TXLNB: variants seen among roughly 807,000 people sequenced by gnomAD.
The protein encoded by TXLNB is beta-taxilin.
A neutral mutation model predicts 57.4 loss-of-function variants in TXLNB; 37 were observed. That is an observed-to-expected ratio of 0.64 (90% CI 0.50 to 0.85). TXLNB has a LOEUF of 0.85. TXLNB is among the 40% of genes least tolerant of loss of function. The probability of loss-of-function intolerance (pLI) is 0.00; values close to 1 mark genes in which losing one functional copy is unlikely to be tolerated. For missense variants in TXLNB, 848 were observed against 825.6 expected (o/e 1.03, Z -0.33); for synonymous variants, 302 against 309.6 (o/e 0.98, Z 0.26).
chr6:139,176,241 G>A, the TXLNB span, among the ~76,000 whole-genome samples: 2 of 152,166 alleles, frequency 1.3e-5, no homozygotes, highest in African/African-American at 4.8e-5. The surrounding 1 kb of genome is among the most constrained non-coding windows in gnomAD (Gnocchi z 4.5). Flanking sequence ...TATCACATGT[G>A]CCTCAGTTGC....
chr6:139,257,707 T>C (rs1048525530), intron 6 of TXLNB, among the ~76,000 whole-genome samples: 2 of 151,498 alleles, frequency 1.3e-5, no homozygotes, highest in Non-Finnish European at 3.0e-5. Flanking sequence ...TTTCCCACTT[T>C]TAGTTTATCC....
the TXLNB span, among the ~76,000 whole-genome samples, chr6:139,219,371 G>A: frequency 6.6e-6 from 1 of 152,188 alleles, no homozygotes; most frequent in Non-Finnish European, 1.5e-5. Context: ...ATCTCCAGCG[G>A]TTCAGTAGGT....
At chr6:139,182,941 G>A in the TXLNB span, 1 of 152,068 alleles carries the variant, frequency 6.6e-6, no homozygotes, top group African/African-American at 2.4e-5. Flanking sequence ...CATCTCAGGC[G>A]GTTCTGTTAC....
chr6:139,217,882 A>G, the TXLNB span, among the ~76,000 whole-genome samples: 157 of 146,934 alleles, frequency 1.1e-3, no homozygotes, highest in South Asian at 1.9e-3. Context: ...AAAAAAAAAA[A>G]AAAAAGAAAA....
the TXLNB span, among the ~76,000 whole-genome samples, chr6:139,192,213 A>G: frequency 6.6e-6 from 1 of 152,194 alleles, no homozygotes; most frequent in Non-Finnish European, 1.5e-5. Context: ...TGGAGTCACA[A>G]GTCTTGCAGA....
chr6:139,166,564 C>A, the TXLNB span: 1 of 1,614,226 alleles, frequency 6.2e-7, no homozygotes, highest in Non-Finnish European at 8.5e-7. Flanking sequence ...GCCAGGGCCA[C>A]TTGAAGAAGG....
chr6:139,222,649 AT>A, the TXLNB span, among the ~76,000 whole-genome samples: 5 of 152,152 alleles, frequency 3.3e-5, no homozygotes, highest in African/African-American at 1.2e-4. Flanking sequence ...TCTACTAAAA[AT>A]ACAAAATTAG....
the TXLNB span, among the ~76,000 whole-genome samples, chr6:139,168,355 T>C: frequency 6.6e-6 from 1 of 152,110 alleles, no homozygotes; most frequent in Non-Finnish European, 1.5e-5. Context: ...TTTATCTTAT[T>C]ATATAGTACC....
chr6:139,230,248 T>C, the TXLNB span, among the ~76,000 whole-genome samples: 1 of 152,158 alleles, frequency 6.6e-6, no homozygotes, highest in Non-Finnish European at 1.5e-5. Context: ...TTTGGGGAGA[T>C]GAATTGTATC....
chr6:139,173,286 A>G, the TXLNB span, among the ~76,000 whole-genome samples: 2 of 152,038 alleles, frequency 1.3e-5, no homozygotes, highest in African/African-American at 4.8e-5. Flanking sequence ...CCCAACATAC[A>G]CTTATAAAGT....
chr6:139,227,357 CAAAA>C, the TXLNB span, among the ~76,000 whole-genome samples: 14 of 131,674 alleles, frequency 1.1e-4, no homozygotes, highest in African/African-American at 3.0e-4. Context: ...ACAAAACAAA[CAAAA>C]AAAAAAACGA....
At chr6:139,164,316 T>C in the TXLNB span, among the ~76,000 whole-genome samples, 2 of 152,020 alleles carry the variant, frequency 1.3e-5, no homozygotes, top group African/African-American at 2.4e-5. Context: ...TGGTTCCCAA[T>C]TGGGAGAGTA....
chr6:139,302,942 A>C, the TXLNB span, among the ~76,000 whole-genome samples: 1 of 152,184 alleles, frequency 6.6e-6, no homozygotes, highest in Non-Finnish European at 1.5e-5. Context: ...TGACAGAGAA[A>C]TATGCAATTA....
At chr6:139,282,618 T>A (rs1475817660) in intron 2 of TXLNB, among the ~76,000 whole-genome samples, 1 of 145,464 alleles carries the variant, frequency 6.9e-6, no homozygotes, top group Non-Finnish European at 1.5e-5. Flanking sequence ...TCTGAAGACA[T>A]TTCAGAATAC....
chr6:139,242,924 C>G lies in TXLNB; in HGVS notation c.1657G>C (p.Glu553Gln). The change falls in exon 10 of 10, where the codon GAG becomes CAG. Residue 553 changes from glutamate to glutamine, a missense_variant. Physicochemically the swap from Glu to Gln is conservative, Grantham distance 29. Coordinates refer to ENST00000358430, the MANE Select transcript of TXLNB (RefSeq NM_153235.4). ...QPPLIPSRDS[E>Q]SPLPPLTPQA... ...GGAGTTAGGGGAGGCAGGGGACTCT[C>G]TGAATCCCGTGAAGGGATCAGAGGG... 1 of 1,614,138 alleles carries G rather than the reference C, an allele frequency of 6.2e-7. No individual in the cohort carries two copies. The highest frequency in any genetic ancestry group is 8.5e-7 in the Non-Finnish European group (1 of 1,180,024).
intron 3 of TXLNB, among the ~76,000 whole-genome samples, chr6:139,275,468 T>C (rs1404596091): frequency 1.3e-5 from 2 of 152,216 alleles, no homozygotes; most frequent in Non-Finnish European, 2.9e-5. Context: ...GTATTTTACA[T>C]GAGGGATTAG....
chr6:139,171,396 G>A, the TXLNB span, among the ~76,000 whole-genome samples: 1 of 152,156 alleles, frequency 6.6e-6, no homozygotes, highest in African/African-American at 2.4e-5. Context: ...CACATTAGAT[G>A]TGCCCACAAA....
the TXLNB span, among the ~76,000 whole-genome samples, chr6:139,316,580 T>C: frequency 6.6e-6 from 1 of 152,248 alleles, no homozygotes; most frequent in Non-Finnish European, 1.5e-5. Context: ...CAGTGGTCCC[T>C]AAACATATGT....
chr6:139,247,841 G>A lies in TXLNB; in HGVS notation c.1146C>T (p.Ala382=), dbSNP rs779159045. Residue 382 remains alanine (A), a synonymous_variant, in exon 8 of 10, where the codon GCC becomes GCT. Coordinates refer to ENST00000358430, the MANE Select transcript of TXLNB (RefSeq NM_153235.4). ...CTTTGTCCATTTCCTGTTTGAACGT[G>A]GCAAACACCTCGTTGCTTTTAGTTA... is the stretch of plus-strand genomic sequence containing the variant. ...STLTKSNEVF[A]TFKQEMDKTT... The A allele has an allele frequency of 6.2e-7, 1 of 1,604,684 alleles. No homozygotes were observed. The highest frequency in any genetic ancestry group is 2.3e-5 in the East Asian group (1 of 44,190).
Sources: allele counts gnomAD v4.1 joint callset (sites outside exome capture counted in the v4.1 genomes callset), GRCh38; gene constraint gnomAD v4.1.1; non-coding constraint Gnocchi (gnomAD v3.1); transcripts MANE v1.5; gene names NCBI Gene and HGNC (gene_info 2026-07-23, HGNC 2026-07-21).